CHD9: variants seen among roughly 807,000 people sequenced by gnomAD.
The protein encoded by CHD9 is ATP-dependent chromatin remodeler CHD9.
CHD9 carries 77 observed loss-of-function variants against 316.1 expected under a neutral mutation model. The ratio of observed to expected loss-of-function variants is 0.24; its 90% CI spans 0.20 to 0.29. The LOEUF is 0.29. Ranked by LOEUF, CHD9 falls within the 10% of genes least tolerant of loss-of-function variation. CHD9 has a pLI of 1.00. For missense variants in CHD9, 2,763 were observed against 3,438.1 expected, an observed-to-expected ratio of 0.80 and a Z score of 4.91; for synonymous variants, 1,129 against 1,158.3, an observed-to-expected ratio of 0.97 and a Z score of 0.51.
At chr16:53,110,224 A>C (rs1282176077) in intron 1 of CHD9, among the ~76,000 whole-genome samples, 1 of 152,158 alleles carries the variant, frequency 6.6e-6, no homozygotes, top group Non-Finnish European at 1.5e-5. Context: ...AACTGAACTT[A>C]CAGGAACAAA....
intron 1 of CHD9, among the ~76,000 whole-genome samples, chr16:53,057,140 A>T (rs1210803591): frequency 6.6e-6 from 1 of 152,050 alleles, no homozygotes; most frequent in African/African-American, 2.4e-5. Context: ...GTAAGACCCT[A>T]TATCTTTATT....
intron 8 of CHD9, 132 bp from the exon 9 acceptor site, chr16:53,231,287 A>G: frequency 1.8e-6 from 1 of 544,824 alleles, no homozygotes; most frequent in Non-Finnish European, 3.3e-6. Flanking sequence ...TGAAAATGGA[A>G]GAATTCCATT....
chr16:53,226,742 C>T (rs1022390225), intron 5 of CHD9, among the ~76,000 whole-genome samples: 1 of 152,132 alleles, frequency 6.6e-6, no homozygotes, highest in Non-Finnish European at 1.5e-5. Context: ...AATATATGTT[C>T]TTGAAATTCT....
chr16:53,105,176 G>C (rs1330583011), intron 1 of CHD9, among the ~76,000 whole-genome samples: 2 of 151,996 alleles, frequency 1.3e-5, no homozygotes, highest in African/African-American at 4.8e-5. Flanking sequence ...ATTTCAGTAG[G>C]AATTATATTT....
At position 53,088,647 on chromosome 16, in the gene CHD9, C is replaced by T. The variant is rs532146591; in HGVS notation, c.-165+33570C>T. ...GACTGAGAGAGCAGGAGGAGTGGTT[C>T]ATTACAGGGCATTGCAGGGGTGTTG... On this transcript the variant is annotated intron_variant, in intron 1 of 38. Coordinates refer to ENST00000447540, the MANE Select transcript of CHD9 (RefSeq NM_001308319.2). Among the ~76,000 whole-genome samples, 20 of 152,064 alleles carry T rather than the reference C, an allele frequency of 1.3e-4. No homozygotes were observed. The South Asian group carries it at 3.7e-3, about 29-fold the overall frequency.
chr16:53,245,957 T>G lies in CHD9; in HGVS notation c.3454+107T>G. On this transcript the variant is annotated intron_variant, in intron 15 of 38. Transcript: ENST00000447540. This position sits in a 1 kb window ranked among gnomAD's most constrained non-coding sequence, Gnocchi z 4.1. ...TAGTGGCTGTTATGACTCTCCACTGTGATATTCTAAGGAATTACAAGTGTT... is the reference window on the plus strand; with the variant it reads ...TAGTGGCTGTTATGACTCTCCACTGGGATATTCTAAGGAATTACAAGTGTT... 8 of 755,876 alleles carry G rather than the reference T, an allele frequency of 1.1e-5. No individual in the cohort carries two copies. The highest frequency in any genetic ancestry group is 1.4e-5 in the Non-Finnish European group (7 of 518,010). The allele number at this position is 755,876 out of a possible 1,614,324, so 46.8% of individuals were successfully genotyped here.
chr16:53,210,189 TTC>T, intron 3 of CHD9, among the ~76,000 whole-genome samples: 1 of 152,212 alleles, frequency 6.6e-6, no homozygotes, highest in African/African-American at 2.4e-5. Context: ...AAGATTCTTT[TTC>T]TCTTGGTTGT....
intron 17 of CHD9, among the ~76,000 whole-genome samples, chr16:53,251,160 G>T (rs1320278066): frequency 6.6e-6 from 1 of 152,070 alleles, no homozygotes; most frequent in Non-Finnish European, 1.5e-5. Flanking sequence ...ACACATTCTT[G>T]TTTGTTTGTC....
In CHD9 at chr16:53,147,130, G is replaced by T. The variant is rs1395736054; in HGVS notation, c.-164-8796G>T. Among the ~76,000 whole-genome samples the T allele has an allele frequency of 2.0e-5, 3 of 152,068 alleles. No individual in the cohort carries two copies. The East Asian group carries it at 5.8e-4, about 29-fold the overall frequency. On this transcript the variant is annotated intron_variant, in intron 1 of 38. Transcript: ENST00000447540. ...TAAGATAATATGTAAACTATAGAAT[G>T]TTAGCTAGTACTAAGTCAGAAAAAT...
chr16:53,162,105 C>G (rs1307276813), intron 2 of CHD9, among the ~76,000 whole-genome samples: 2 of 152,134 alleles, frequency 1.3e-5, no homozygotes, highest in Non-Finnish European at 2.9e-5. Flanking sequence ...GATATCACTT[C>G]AAATATCTCA....
intron 1 of CHD9, among the ~76,000 whole-genome samples, chr16:53,095,521 C>T (rs1020526751): frequency 1.3e-4 from 20 of 152,006 alleles, no homozygotes; most frequent in Non-Finnish European, 7.4e-5. Flanking sequence ...TGCACTCCAA[C>T]TTGGGCAACA....
Position 53,156,715 on chromosome 16 carries a change from A to G in CHD9, c.626A>G (p.Asn209Ser), listed in dbSNP as rs956491201. 14 of 1,613,858 alleles carry G rather than the reference A, an allele frequency of 8.7e-6. No homozygotes were observed. The highest frequency in any genetic ancestry group is 4.5e-5 in the East Asian group (2 of 44,894). The stretch of plus-strand genomic sequence containing the variant: ...AATGTTTCTGGTCCACATAGAGTCA[A>G]TGTTAACCACCCACCACAGATGACT... The part of the protein sequence containing the change: ...FMNVSGPHRV[N>S]VNHPPQMTNA... Residue 209 changes from asparagine to serine, a missense_variant, in exon 2 of 39, where the codon AAT becomes AGT. By Grantham distance (46) the Asn-to-Ser change is conservative. Around this residue, in one of 15 missense-constraint regions of CHD9, gnomAD observed 859 missense variants for 890.4 expected, o/e 0.96. Coordinates refer to ENST00000447540, the MANE Select transcript of CHD9 (RefSeq NM_001308319.2).
At chr16:53,214,678 A>T (rs1455409867) in intron 3 of CHD9, among the ~76,000 whole-genome samples, 2 of 152,156 alleles carry the variant, frequency 1.3e-5, no homozygotes, top group Non-Finnish European at 2.9e-5. Context: ...TTCAAATAAG[A>T]TTTACAGTTT....
At chr16:53,119,333 A>G (rs1443825850) in intron 1 of CHD9, among the ~76,000 whole-genome samples, 1 of 152,036 alleles carries the variant, frequency 6.6e-6, no homozygotes. Context: ...TTTTTACATT[A>G]AATTTGCAAA....
chr16:53,066,728 T>A (rs551385467), intron 1 of CHD9, among the ~76,000 whole-genome samples: 12 of 152,268 alleles, frequency 7.9e-5, no homozygotes, highest in East Asian at 3.9e-4. Context: ...TCCTTCTCTT[T>A]GGTCAATCAG....
At chr16:53,250,967 G>T (rs2050080460) in intron 17 of CHD9, among the ~76,000 whole-genome samples, 1 of 151,990 alleles carries the variant, frequency 6.6e-6, no homozygotes, top group Non-Finnish European at 1.5e-5. Context: ...ATAATAAATG[G>T]TTATTGAGAA....
chr16:53,246,413 A>G (rs921802542), intron 15 of CHD9, among the ~76,000 whole-genome samples: 7 of 152,154 alleles, frequency 4.6e-5, no homozygotes, highest in Non-Finnish European at 8.8e-5. Context: ...TTTAATTCTG[A>G]TTTGGATTAT....
In CHD9 at chr16:53,307,995, G is replaced by A. The variant is rs775833543; in HGVS notation, c.7053+42G>A. The A allele has an allele frequency of 5.3e-6, 8 of 1,518,076 alleles. No individual in the cohort carries two copies. In the East Asian group the frequency reaches 1.5e-4, roughly 28 times the overall value. 94.0% of individuals were successfully genotyped at this position (1,518,076 alleles called of 1,614,324 possible). A position where few individuals can be genotyped will look rare whatever the true frequency, so the allele number is the denominator to read the frequency against. ...TGCCCTAGGGCCTGATTGCGATTGCGGTGTGCAGCATGCTTTTCCTGCAAA... is the reference window on the plus strand; with the variant it reads ...TGCCCTAGGGCCTGATTGCGATTGCAGTGTGCAGCATGCTTTTCCTGCAAA... On this transcript the variant is annotated intron_variant, in intron 33 of 38. Coordinates refer to ENST00000447540, the MANE Select transcript of CHD9 (RefSeq NM_001308319.2).
intron 24 of CHD9, among the ~76,000 whole-genome samples, chr16:53,280,818 A>G (rs543714308): frequency 6.6e-6 from 1 of 152,150 alleles, no homozygotes; most frequent in African/African-American, 2.4e-5. Context: ...ACCCATTCCA[A>G]TGGATCTTTC....
Sources: allele counts gnomAD v4.1 joint callset (sites outside exome capture counted in the v4.1 genomes callset), GRCh38; gene constraint gnomAD v4.1.1; regional missense constraint gnomAD v4.1.1; non-coding constraint Gnocchi (gnomAD v3.1); transcripts MANE v1.5; gene names NCBI Gene and HGNC (gene_info 2026-07-23, HGNC 2026-07-21).